FER: variants seen among roughly 807,000 people sequenced by gnomAD.
The protein encoded by FER is tyrosine-protein kinase Fer.
Under a neutral mutation model 111.0 loss-of-function variants are expected in FER, and 63 were observed. The observed-to-expected ratio is 0.57, with a 90% confidence interval of 0.46 to 0.70. The LOEUF is 0.70. Among genes scored for constraint, FER ranks in the 30% least tolerant of loss-of-function variants. The probability of loss-of-function intolerance (pLI) is 0.00; values close to 1 mark genes in which losing one functional copy is unlikely to be tolerated. For missense variants in FER, 914 were observed against 954.0 expected, an observed-to-expected ratio of 0.96 and a Z score of 0.55; for synonymous variants, 327 against 313.9, an observed-to-expected ratio of 1.04 and a Z score of -0.44.
chr5:108,976,996 C>A (rs1581480603), intron 13 of FER, among the ~76,000 whole-genome samples: 1 of 152,144 alleles, frequency 6.6e-6, no homozygotes, highest in East Asian at 1.9e-4. Flanking sequence ...GAAAAATTCA[C>A]AAGAACCACA....
intron 13 of FER, among the ~76,000 whole-genome samples, chr5:108,985,338 T>A (rs998502890): frequency 2.0e-5 from 3 of 152,188 alleles, no homozygotes; most frequent in African/African-American, 7.2e-5. Context: ...TAATATAAAT[T>A]GTTCTACTCT....
chr5:108,944,606 T>C (rs867018714), intron 10 of FER, among the ~76,000 whole-genome samples: 97 of 152,180 alleles, frequency 6.4e-4, no homozygotes, highest in African/African-American at 2.3e-3. Flanking sequence ...CAGCACAGTC[T>C]GATGTGTTAT....
chr5:109,150,599 G>T (rs1241203384), intron 17 of FER, among the ~76,000 whole-genome samples: 1 of 152,188 alleles, frequency 6.6e-6, no homozygotes, highest in Non-Finnish European at 1.5e-5. Flanking sequence ...CCATAGAATA[G>T]CATGGCATTG....
intron 7 of FER, 100 bp downstream of exon 7, chr5:108,871,602 A>G: frequency 6.0e-6 from 5 of 829,962 alleles, no homozygotes; most frequent in Non-Finnish European, 8.8e-6. Context: ...TTAAGATCTT[A>G]TTAAGACATA....
At chr5:108,816,482 A>G (rs1014610219) in intron 3 of FER, among the ~76,000 whole-genome samples, 3 of 152,130 alleles carry the variant, frequency 2.0e-5, no homozygotes, top group Non-Finnish European at 4.4e-5. Context: ...CCATGTTAAT[A>G]TAGTAGTCAT....
intron 13 of FER, among the ~76,000 whole-genome samples, chr5:108,989,518 T>TA (rs983202032): frequency 9.9e-5 from 15 of 152,174 alleles, no homozygotes; most frequent in Admixed American, 5.9e-4. Flanking sequence ...CTGGATACTT[T>TA]AAAAAATCCT....
chr5:108,835,960 A>G (rs1760615885), intron 5 of FER, 153 bp downstream of exon 5: 1 of 423,712 alleles, frequency 2.4e-6, no homozygotes, highest in South Asian at 3.6e-5. Flanking sequence ...CAAACAGTGT[A>G]GTAAGTCTTA....
intron 13 of FER, among the ~76,000 whole-genome samples, chr5:108,961,793 A>C (rs1759183959): frequency 6.6e-6 from 1 of 152,170 alleles, no homozygotes; most frequent in South Asian, 2.1e-4. Flanking sequence ...TTATGGTGGT[A>C]GTATCTGTTA....
intron 17 of FER, among the ~76,000 whole-genome samples, chr5:109,146,245 A>T (rs376971089): frequency 1.7e-4 from 7 of 40,244 alleles, no homozygotes; most frequent in African/African-American, 3.1e-4. Context: ...TATATATATA[A>T]TCTATCTAAT....
At chr5:109,035,136 C>T (rs541515176) in intron 13 of FER, among the ~76,000 whole-genome samples, 60 of 150,132 alleles carry the variant, frequency 4.0e-4, no homozygotes, top group Non-Finnish European at 7.4e-4. Flanking sequence ...CGGGTTCAAG[C>T]GATTCTCCTG....
chr5:109,037,342 G>A (rs528826013), intron 13 of FER, 80 bp from the exon 14 acceptor site: 68 of 1,184,392 alleles, frequency 5.7e-5, no homozygotes, highest in African/African-American at 2.0e-4. Context: ...CCTTTAGGTC[G>A]ACTTTCCACT....
At chr5:109,042,156 G>T (rs1201315004) in intron 14 of FER, among the ~76,000 whole-genome samples, 1 of 152,140 alleles carries the variant, frequency 6.6e-6, no homozygotes, top group African/African-American at 2.4e-5. Context: ...GGGCTGGAGA[G>T]GGAGAAATGA....
chr5:108,760,293 A>G (rs1434794205), intron 1 of FER, among the ~76,000 whole-genome samples: 1 of 151,922 alleles, frequency 6.6e-6, no homozygotes, highest in Non-Finnish European at 1.5e-5. Context: ...TAGATTTAGT[A>G]TCATTCTTAT....
At chr5:108,839,731 T>C (rs777489131) in intron 5 of FER, among the ~76,000 whole-genome samples, 31 of 151,974 alleles carry the variant, frequency 2.0e-4, no homozygotes, top group Admixed American at 5.9e-4. Context: ...GCGCCCGCCA[T>C]CACGCCTGGC....
chr5:109,078,458 G>A (rs1473729684), intron 16 of FER, among the ~76,000 whole-genome samples: 1 of 152,148 alleles, frequency 6.6e-6, no homozygotes, highest in African/African-American at 2.4e-5. Context: ...AGACATTCCA[G>A]TTTCTTTTTC....
intron 13 of FER, among the ~76,000 whole-genome samples, chr5:108,999,290 C>G (rs1305701601): frequency 6.6e-6 from 1 of 152,094 alleles, no homozygotes; most frequent in Non-Finnish European, 1.5e-5. Flanking sequence ...TACAATTTTA[C>G]TATTCTGTAA....
intron 13 of FER, among the ~76,000 whole-genome samples, chr5:108,962,660 G>A (rs1167584510): frequency 6.6e-6 from 1 of 152,154 alleles, no homozygotes; most frequent in Non-Finnish European, 1.5e-5. Context: ...CAATGGCTAG[G>A]AGCCCAGGTA....
At chr5:108,777,343 C>T (rs2149985032) in intron 2 of FER, among the ~76,000 whole-genome samples, 2 of 152,298 alleles carry the variant, frequency 1.3e-5, no homozygotes, top group South Asian at 4.1e-4. Context: ...TTCCCACATA[C>T]TTCCACCCAC....
intron 17 of FER, among the ~76,000 whole-genome samples, chr5:109,130,212 A>T (rs1752211907): frequency 6.6e-6 from 1 of 152,096 alleles, no homozygotes; most frequent in Admixed American, 6.6e-5. Context: ...GTGAAAATAC[A>T]TCTGATTAAT....
Sources: allele counts gnomAD v4.1 joint callset (sites outside exome capture counted in the v4.1 genomes callset), GRCh38; gene constraint gnomAD v4.1.1; transcripts MANE v1.5; gene names NCBI Gene and HGNC (gene_info 2026-07-23, HGNC 2026-07-21).